Variants in BCL9L observed in about 807,000 individuals in gnomAD.
The protein encoded by BCL9L is B-cell CLL/lymphoma 9-like protein.
A neutral mutation model predicts 99.4 loss-of-function variants in BCL9L; 19 were observed. The ratio of observed to expected loss-of-function variants is 0.19; its 90% confidence interval spans 0.13 to 0.28. BCL9L has a LOEUF of 0.28. BCL9L is among the 10% of genes least tolerant of loss of function. The pLI, the probability that BCL9L is intolerant of heterozygous loss-of-function variation, is 1.00. For synonymous variants in BCL9L, 900 were observed against 854.8 expected (o/e 1.05, Z -0.92); for missense variants, 2,023 against 2,101.6 (o/e 0.96, Z 0.73).
chr11:118,911,277 G>C (rs1360511592), intron 2 of BCL9L: 3 of 455,458 alleles, frequency 6.6e-6, no homozygotes, highest in Non-Finnish European at 1.3e-5. Flanking sequence ...CCCGGTGACA[G>C]GCCCGGCCAG....
rs1358612372 is a variant in BCL9L at position 118,908,663 on chromosome 11, G to A, written c.27-8C>T. ...CTCCTGGGGTGGGGTAACCTGGGAG[G>A]AGGTGGGAGAAATGTGAAAAGTTAA... On this transcript the variant is annotated splice_region_variant and splice_polypyrimidine_tract_variant and intron_variant, in intron 3 of 9. Transcript: ENST00000683865. 6.2e-7 allele frequency: 1 copy of A among 1,600,228 alleles called. No homozygotes were observed. Among genetic ancestry groups the A allele is most frequent in the South Asian group, 1.1e-5 (1 of 90,378 alleles).
chr11:118,916,721 G>C (rs541320131), intron 2 of BCL9L, among the ~76,000 whole-genome samples: 2 of 152,330 alleles, frequency 1.3e-5, no homozygotes, highest in South Asian at 4.1e-4. Flanking sequence ...CATGATCATA[G>C]GTCTGGGCAC....
intron 2 of BCL9L, 53 bp from the exon 3 acceptor site, chr11:118,910,068 G>A: frequency 7.8e-7 from 1 of 1,288,384 alleles, no homozygotes; most frequent in Non-Finnish European, 1.1e-6. Flanking sequence ...GGGGGTGTCA[G>A]AGGGGGAGGG....
rs546079781 is a variant in BCL9L at position 118,914,250 on chromosome 11, G to C, written c.-76-4235C>G. On this transcript the variant is annotated intron_variant, in intron 2 of 9. Coordinates refer to ENST00000683865, the MANE Select transcript of BCL9L (RefSeq NM_001378213.1). The surrounding 1 kb of genome is among the most constrained non-coding windows in gnomAD (Gnocchi z 4.4). ...AGGGGTTAATCTGTCCCCTATTTAG[G>C]GGGGTAGGGGTGGCCGAGGAACCTC... 9.9e-5 allele frequency among the ~76,000 whole-genome samples: 15 copies of C among 152,278 alleles called. No homozygotes were observed. The highest frequency in any genetic ancestry group is 6.8e-3 in the Middle Eastern group (2 of 294).
In BCL9L at chr11:118,922,384, C is replaced by A. The variant is rs1183076733; in HGVS notation, c.-131+2854G>T. ...TCTGGGACTCAGATAGGCTCCTCAG[C>A]CCTGGCAGGAGCTCCCACCAGCCCC... On this transcript the variant is annotated intron_variant, in intron 1 of 9. Transcript: ENST00000683865. This position sits in a 1 kb window ranked among gnomAD's most constrained non-coding sequence, Gnocchi z 6.2. Among the ~76,000 whole-genome samples the A allele has an allele frequency of 6.6e-6, 1 of 152,246 alleles. No homozygotes were observed. Among genetic ancestry groups the A allele is most frequent in the African/African-American group, 2.4e-5 (1 of 41,466 alleles).
At position 118,902,566 on chromosome 11, in the gene BCL9L, G is replaced by A; in HGVS notation, c.1177C>T (p.Leu393=). ...AAAPGNGQRS[L]VGSEGLSKEQ... ...TTGGACAAGCCCTCTGAGCCCACCA[G>A]GCTGCGCTGCCCATTTCCAGGGGCG... Residue 393 remains leucine, a synonymous_variant, in exon 8 of 10, where the codon CTG becomes TTG. Coordinates refer to ENST00000683865, the MANE Select transcript of BCL9L (RefSeq NM_001378213.1). This position sits in a 1 kb window ranked among gnomAD's most constrained non-coding sequence, Gnocchi z 7.8. 6.2e-7 allele frequency: 1 copy of A among 1,601,386 alleles called. No homozygotes were observed. The highest frequency in any genetic ancestry group is 8.5e-7 in the Non-Finnish European group (1 of 1,179,882).
chr11:118,925,213 G>C lies in BCL9L; in HGVS notation c.-131+25C>G, dbSNP rs1346821309. 1 of 152,514 alleles carries C rather than the reference G, an allele frequency of 6.6e-6. No homozygotes were observed. Among genetic ancestry groups the C allele is most frequent in the East Asian group, 1.9e-4 (1 of 5,168 alleles). The allele number at this position is 152,514 out of a possible 1,614,324, so 9.4% of individuals were successfully genotyped here. On this transcript the variant is annotated intron_variant, in intron 1 of 9. Coordinates refer to ENST00000683865, the MANE Select transcript of BCL9L (RefSeq NM_001378213.1). The surrounding 1 kb of genome is among the most constrained non-coding windows in gnomAD (Gnocchi z 6.4). ...CCTCTGCTGGCCTGGCATGACTTTC[G>C]CCTTGCCCCCAGCCCACCCCTCACC...
At chr11:118,923,754 TG>T (rs1380626723) in intron 1 of BCL9L, among the ~76,000 whole-genome samples, 1 of 151,996 alleles carries the variant, frequency 6.6e-6, no homozygotes, top group African/African-American at 2.4e-5. Context: ...TAGAGGGAGG[TG>T]GCCAGAAGGC....
In BCL9L at chr11:118,902,285, A is replaced by C; in HGVS notation, c.1458T>G (p.His486Gln). The change falls in exon 8 of 10, where the codon CAT becomes CAG. Residue 486 changes from histidine (H) to glutamine (Q), a missense_variant. Around this residue, in one of 3 missense-constraint regions of BCL9L, gnomAD observed 1,116 missense variants for 1,194.6 expected, o/e 0.93. Coordinates refer to ENST00000683865, the MANE Select transcript of BCL9L (RefSeq NM_001378213.1). The surrounding 1 kb of genome is among the most constrained non-coding windows in gnomAD (Gnocchi z 7.8). ...TQSLGGPPLE[H>Q]EVPGHPPGGD... ...CACCCGGGGGGTGCCCAGGCACTTC[A>C]TGCTCCAGCGGGGGGCCCCCTAGGC... 6.3e-7 allele frequency: 1 copy of C among 1,586,480 alleles called. No homozygotes were observed. The highest frequency in any genetic ancestry group is 8.6e-7 in the Non-Finnish European group (1 of 1,164,880).
At chr11:118,920,726 G>C (rs1168682661) in intron 1 of BCL9L, among the ~76,000 whole-genome samples, 1 of 152,182 alleles carries the variant, frequency 6.6e-6, no homozygotes, top group Non-Finnish European at 1.5e-5. Context: ...CAAGGTGCTA[G>C]GTGTCCGTGA....
chr11:118,907,375 A>AAAAATCC, intron 5 of BCL9L, 108 bp downstream of exon 5: 1 of 1,564,850 alleles, frequency 6.4e-7, no homozygotes, highest in Non-Finnish European at 8.7e-7. Flanking sequence ...GATGGGAGAG[A>AAAAATCC]AAAATCCAGG....
chr11:118,903,034 G>A lies in BCL9L; in HGVS notation c.790C>T (p.Leu264Phe), dbSNP rs1275757680. Residue 264 changes from leucine (L) to phenylalanine (F), a missense_variant, in exon 7 of 10, where the codon CTC becomes TTC. Around this residue, in one of 3 missense-constraint regions of BCL9L, gnomAD observed 1,116 missense variants for 1,194.6 expected, o/e 0.93. Coordinates refer to ENST00000683865, the MANE Select transcript of BCL9L (RefSeq NM_001378213.1). The surrounding 1 kb of genome is among the most constrained non-coding windows in gnomAD (Gnocchi z 5.6). ...GGCACGTTCTGCTGGTGGTAGGCGAGGATGGAGTCGGCCCGGCCCTGCAGC... is the reference window on the plus strand; with the variant it reads ...GGCACGTTCTGCTGGTGGTAGGCGAAGATGGAGTCGGCCCGGCCCTGCAGC... ...AVLQGRADSI[L>F]AYHQQNVPRA... 1 of 1,593,186 alleles carries A rather than the reference G, an allele frequency of 6.3e-7. No individual in the cohort carries two copies. The highest frequency in any genetic ancestry group is 1.7e-5 in the Admixed American group (1 of 57,988).
In BCL9L at chr11:118,899,970, A is replaced by G; in HGVS notation, c.3353T>C (p.Leu1118Pro). The G allele has an allele frequency of 1.2e-6, 2 of 1,613,952 alleles. No individual in the cohort carries two copies. The highest frequency in any genetic ancestry group is 8.5e-7 in the Non-Finnish European group (1 of 1,179,974). The change falls in exon 9 of 10, where the codon CTG becomes CCG. Residue 1118 changes from leucine (L) to proline (P), a missense_variant. By Grantham distance (98) the Leu-to-Pro change is moderately conservative. Around this residue, in one of 3 missense-constraint regions of BCL9L, gnomAD observed 902 missense variants for 888.2 expected, o/e 1.02. Coordinates refer to ENST00000683865, the MANE Select transcript of BCL9L (RefSeq NM_001378213.1). Reference protein sequence around the residue: ...KTIATSDDELLPDRPLLPPPP... With the variant: ...KTIATSDDELPPDRPLLPPPP... ...GGGGGGCAGCAGGGGCCGGTCGGGC[A>G]GCAGCTCGTCGTCTGAGGTGGCGAT... is the stretch of plus-strand genomic sequence containing the variant.
chr11:118,925,198 C>A lies in BCL9L; in HGVS notation c.-131+40G>T. 1 of 152,654 alleles carries A rather than the reference C, an allele frequency of 6.6e-6. No homozygotes were observed. Among genetic ancestry groups the A allele is most frequent in the Non-Finnish European group, 1.5e-5 (1 of 68,266 alleles). The allele number at this position is 152,654 out of a possible 1,614,324, so 9.5% of individuals were successfully genotyped here. ...ATCTCCCTCCTCGCGCCTCTGCTGG[C>A]CTGGCATGACTTTCGCCTTGCCCCC... On this transcript the variant is annotated intron_variant, in intron 1 of 9. Transcript: ENST00000683865. The surrounding 1 kb of genome is among the most constrained non-coding windows in gnomAD (Gnocchi z 6.4).
At chr11:118,910,673 CA>C (rs1800173213) in intron 2 of BCL9L, 3 of 153,952 alleles carry the variant, frequency 1.9e-5, no homozygotes, top group African/African-American at 7.2e-5. Flanking sequence ...GAGCGAGCGA[CA>C]GCCAGCGAGG....
intron 2 of BCL9L, chr11:118,911,160 C>T: frequency 2.2e-6 from 1 of 449,956 alleles, no homozygotes; most frequent in Non-Finnish European, 4.5e-6. Flanking sequence ...CCTCACCCAA[C>T]CGCCCCCAGC....
At chr11:118,915,191 T>C (rs1004474969) in intron 2 of BCL9L, among the ~76,000 whole-genome samples, 2 of 151,898 alleles carry the variant, frequency 1.3e-5, no homozygotes, top group Non-Finnish European at 1.5e-5. Context: ...CCTTCTCATC[T>C]ATGGGGCCTT....
rs553349572 is a variant in BCL9L at position 118,925,069 on chromosome 11, T to G, written c.-131+169A>C. On this transcript the variant is annotated intron_variant, in intron 1 of 9. Transcript: ENST00000683865. The surrounding 1 kb of genome is among the most constrained non-coding windows in gnomAD (Gnocchi z 6.4). ...CCTGATTGGGGGCTTAAGAGTAGCC[T>G]CCACTGACCCTGGGGGAGTCCCCCA... 2.0e-5 allele frequency: 3 copies of G among 152,466 alleles called. No individual in the cohort carries two copies. The highest frequency in any genetic ancestry group is 7.2e-5 in the African/African-American group (3 of 41,564). The allele number at this position is 152,466 out of a possible 1,614,324, so 9.4% of individuals were successfully genotyped here.
Position 118,903,263 on chromosome 11 carries a change from T to TA in BCL9L, c.721dup (p.Tyr241LeufsTer37). ...GTTGGCCAGGTGGGTGGTGAAGACA[T>TA]ATACGAACTGCGAGGGAGGCTTTCC... is the stretch of plus-strand genomic sequence containing the variant. On this transcript the variant is annotated frameshift_variant, in exon 6 of 10. Coordinates refer to ENST00000683865, the MANE Select transcript of BCL9L (RefSeq NM_001378213.1). LOFTEE classifies it high-confidence loss of function. This position sits in a 1 kb window ranked among gnomAD's most constrained non-coding sequence, Gnocchi z 5.6. 1 of 1,588,540 alleles carries TA rather than the reference T, an allele frequency of 6.3e-7. No individual in the cohort carries two copies. The highest frequency in any genetic ancestry group is 8.6e-7 in the Non-Finnish European group (1 of 1,169,562).
Sources: gnomAD v4.1 joint callset for allele counts (sites outside exome capture counted in the v4.1 genomes callset) on GRCh38, gnomAD v4.1.1 for gene constraint, gnomAD v4.1.1 regional missense constraint, Gnocchi (gnomAD v3.1) non-coding constraint, MANE v1.5 for transcripts, NCBI Gene and HGNC (gene_info 2026-07-23, HGNC 2026-07-21) for gene names.